TASP1: variants seen among roughly 807,000 people sequenced by gnomAD.
TASP1 encodes the protein taspase 1.
In TASP1, 16 loss-of-function variants were observed where a neutral mutation model predicts 56.6. The ratio of observed to expected loss-of-function variants is 0.28; its 90% CI spans 0.19 to 0.43. The LOEUF (loss-of-function observed/expected upper bound fraction) is 0.43, where lower values mean the gene tolerates loss of function less well. Among genes scored for constraint, TASP1 ranks in the 20% least tolerant of loss-of-function variants. The pLI is 1.00. For missense variants in TASP1, 393 were observed against 511.6 expected (o/e 0.77, Z 2.24); for synonymous variants, 179 against 184.2 (o/e 0.97, Z 0.23).
chr20:13,216,187 GA>G, the TASP1 span, among the ~76,000 whole-genome samples: 1 of 152,216 alleles, frequency 6.6e-6, no homozygotes, highest in Non-Finnish European at 1.5e-5. Flanking sequence ...ATCAGACAGA[GA>G]CCTAGAATGA....
chr20:13,368,476 T>C, the TASP1 span: 1 of 152,160 alleles, frequency 6.6e-6, no homozygotes, highest in African/African-American at 2.4e-5. Flanking sequence ...AAAACCACTT[T>C]ATAGAGAGCT....
At chr20:13,140,163 G>A in the TASP1 span, among the ~76,000 whole-genome samples, 1 of 152,292 alleles carries the variant, frequency 6.6e-6, no homozygotes, top group Non-Finnish European at 1.5e-5. Context: ...GGAAATAGTA[G>A]CATACAGACA....
chr20:13,584,294 GAGAGAC>G lies in TASP1; in HGVS notation c.403+2950_403+2955del, dbSNP rs376528547. 3.6e-3 allele frequency among the ~76,000 whole-genome samples: 552 copies of G among 152,166 alleles called. 2 individuals are homozygous for G. Among genetic ancestry groups the G allele is most frequent in the African/African-American group, 0.012 (519 of 41,528 alleles). Reference sequence around the variant, plus strand: ...CAAGTAAATTGTGCTTATAAATTATGAGAGACTTTAAGAAATACAAAATACAAAAGC... The same window carrying G: ...CAAGTAAATTGTGCTTATAAATTATGTTTAAGAAATACAAAATACAAAAGC... On this transcript the variant is annotated intron_variant, in intron 5 of 13. Coordinates refer to ENST00000337743, the MANE Select transcript of TASP1 (RefSeq NM_017714.3).
At chr20:13,321,961 A>G in the TASP1 span, among the ~76,000 whole-genome samples, 2 of 152,190 alleles carry the variant, frequency 1.3e-5, no homozygotes, top group African/African-American at 4.8e-5. Context: ...GTAAAATATG[A>G]TCATAACGAT....
chr20:13,360,916 T>A, the TASP1 span, among the ~76,000 whole-genome samples: 1 of 152,292 alleles, frequency 6.6e-6, no homozygotes, highest in South Asian at 2.1e-4. Context: ...CTCACCCAGA[T>A]CACGCTTGAT....
At chr20:13,209,970 T>C in the TASP1 span, among the ~76,000 whole-genome samples, 4 of 152,222 alleles carry the variant, frequency 2.6e-5, no homozygotes, top group Non-Finnish European at 4.4e-5. Context: ...CTTGCAGTAC[T>C]CTGAAGGAAA....
the TASP1 span, among the ~76,000 whole-genome samples, chr20:13,142,684 C>T: frequency 6.6e-6 from 1 of 152,154 alleles, no homozygotes; most frequent in Non-Finnish European, 1.5e-5. Context: ...ATGCTGAAAT[C>T]AAGGTGTCAG....
the TASP1 span, among the ~76,000 whole-genome samples, chr20:13,214,482 C>A: frequency 6.7e-6 from 1 of 148,866 alleles, no homozygotes; most frequent in Admixed American, 6.8e-5. Flanking sequence ...TCCTGGATTA[C>A]CAACATAGCA....
intron 4 of TASP1, among the ~76,000 whole-genome samples, chr20:13,590,220 C>T (rs1395362191): frequency 4.6e-5 from 7 of 151,894 alleles, no homozygotes; most frequent in African/African-American, 1.5e-4. Flanking sequence ...GGTGACAGGG[C>T]GAGACTCTGT....
chr20:13,271,585 G>A, the TASP1 span, among the ~76,000 whole-genome samples: 1 of 152,152 alleles, frequency 6.6e-6, no homozygotes, highest in Non-Finnish European at 1.5e-5. Flanking sequence ...AAGTCACATG[G>A]CAGTAAATAG....
At chr20:13,232,575 A>G in the TASP1 span, among the ~76,000 whole-genome samples, 58 of 152,346 alleles carry the variant, frequency 3.8e-4, no homozygotes, top group African/African-American at 1.4e-3. Flanking sequence ...CAACTATTAA[A>G]GATGCTGTGA....
chr20:13,187,913 T>C, the TASP1 span, among the ~76,000 whole-genome samples: 4 of 152,150 alleles, frequency 2.6e-5, no homozygotes, highest in South Asian at 8.3e-4. Flanking sequence ...ATTTATACGT[T>C]GCCAGTGTGA....
At chr20:13,274,088 T>A in the TASP1 span, among the ~76,000 whole-genome samples, 2 of 151,868 alleles carry the variant, frequency 1.3e-5, no homozygotes, top group Non-Finnish European at 2.9e-5. Context: ...TATGTGTGCA[T>A]GTGCATGCAC....
At chr20:13,620,732 A>G (rs1401138524) in intron 4 of TASP1, among the ~76,000 whole-genome samples, 2 of 152,242 alleles carry the variant, frequency 1.3e-5, no homozygotes, top group South Asian at 2.1e-4. Context: ...CAAATTAAAT[A>G]TAACACATTG....
At chr20:13,377,726 TATTA>T in the TASP1 span, among the ~76,000 whole-genome samples, 2 of 152,216 alleles carry the variant, frequency 1.3e-5, no homozygotes, top group African/African-American at 4.8e-5. Context: ...GTTGGTAGGC[TATTA>T]ATTACTGCCT....
chr20:13,123,718 G>A, the TASP1 span, among the ~76,000 whole-genome samples: 1 of 151,984 alleles, frequency 6.6e-6, no homozygotes, highest in Non-Finnish European at 1.5e-5. Context: ...CTAATTTTAG[G>A]ACAGGCCCAT....
chr20:13,476,667 T>G (rs572694047), intron 11 of TASP1, among the ~76,000 whole-genome samples: 1 of 152,282 alleles, frequency 6.6e-6, no homozygotes, highest in African/African-American at 2.4e-5. Context: ...TATGCATAGC[T>G]GTCAATGAAT....
the TASP1 span, among the ~76,000 whole-genome samples, chr20:13,272,528 C>T: frequency 6.6e-6 from 1 of 152,176 alleles, no homozygotes; most frequent in African/African-American, 2.4e-5. Context: ...GGGGGTGGAT[C>T]TCAATAGGTG....
intron 10 of TASP1, among the ~76,000 whole-genome samples, chr20:13,527,713 T>C (rs2045038164): frequency 6.6e-6 from 1 of 152,136 alleles, no homozygotes; most frequent in Non-Finnish European, 1.5e-5. Context: ...ATTAAAAGTG[T>C]CGTTCAAGGA....
Sources: allele counts gnomAD v4.1 joint callset (sites outside exome capture counted in the v4.1 genomes callset), GRCh38; gene constraint gnomAD v4.1.1; transcripts MANE v1.5; gene names NCBI Gene and HGNC (gene_info 2026-07-23, HGNC 2026-07-21).